LSAMP: variants seen among roughly 807,000 people sequenced by gnomAD.
LSAMP encodes limbic system associated membrane protein, also known as limbic system-associated membrane protein.
Under a neutral mutation model 38.6 loss-of-function variants are expected in LSAMP, and 7 were observed. The ratio of observed to expected loss-of-function variants is 0.18; its 90% CI spans 0.10 to 0.34. The LOEUF (loss-of-function observed/expected upper bound fraction) is 0.34. LSAMP is among the 10% of genes least tolerant of loss of function. The probability of loss-of-function intolerance (pLI) is 1.00; values close to 1 mark genes in which losing one functional copy is unlikely to be tolerated. For missense variants in LSAMP, 313 were observed against 420.0 expected (o/e 0.75, Z 2.23); for synonymous variants, 154 against 166.8 (o/e 0.92, Z 0.59).
chr3:115,854,501 C>G (rs1173155699), intron 3 of LSAMP, among the ~76,000 whole-genome samples: 1 of 151,888 alleles, frequency 6.6e-6, no homozygotes, highest in Non-Finnish European at 1.5e-5. Flanking sequence ...CCAAGATGGT[C>G]TCGATCTCCT....
At chr3:116,200,636 C>T (rs1299207775) in intron 1 of LSAMP, among the ~76,000 whole-genome samples, 4 of 152,182 alleles carry the variant, frequency 2.6e-5, no homozygotes, top group African/African-American at 7.2e-5. Context: ...TAAAACCCTG[C>T]CAGCGAGCTT....
At chr3:116,175,406 C>T (rs1373172930) in intron 1 of LSAMP, among the ~76,000 whole-genome samples, 1 of 151,946 alleles carries the variant, frequency 6.6e-6, no homozygotes, top group African/African-American at 2.4e-5. Context: ...TATCCTCCTT[C>T]CAGCTATTTG....
intron 1 of LSAMP, among the ~76,000 whole-genome samples, chr3:116,207,735 C>T (rs1457254597): frequency 6.6e-6 from 1 of 151,688 alleles, no homozygotes; most frequent in African/African-American, 2.4e-5. Flanking sequence ...TATTGGTCCC[C>T]ACTCTCTTCT....
chr3:116,168,317 C>A (rs529948407), intron 1 of LSAMP, among the ~76,000 whole-genome samples: 19 of 152,150 alleles, frequency 1.2e-4, no homozygotes, highest in Non-Finnish European at 8.8e-5. Flanking sequence ...GGAGGCAGAA[C>A]TATAGCTGCA....
chr3:115,974,855 T>G (rs1157335466), intron 3 of LSAMP, among the ~76,000 whole-genome samples: 4 of 152,126 alleles, frequency 2.6e-5, no homozygotes, highest in Non-Finnish European at 4.4e-5. Flanking sequence ...GTGGTTATAA[T>G]GAGGTGTGTC....
intron 3 of LSAMP, among the ~76,000 whole-genome samples, chr3:115,917,217 A>G (rs1316797386): frequency 6.6e-6 from 1 of 152,232 alleles, no homozygotes; most frequent in Non-Finnish European, 1.5e-5. Flanking sequence ...CTAGGACATT[A>G]AACAATGCTC....
chr3:115,857,763 C>A (rs1318527033), intron 3 of LSAMP, among the ~76,000 whole-genome samples: 2 of 152,118 alleles, frequency 1.3e-5, no homozygotes, highest in African/African-American at 2.4e-5. Context: ...TTAGCATATC[C>A]CTTCTTAGTC....
chr3:116,144,761 A>T (rs71323430), intron 1 of LSAMP, among the ~76,000 whole-genome samples: 48 of 151,894 alleles, frequency 3.2e-4, no homozygotes, highest in Non-Finnish European at 6.5e-4. Context: ...TTTTTATTAC[A>T]TCTTACTTTT....
chr3:116,018,769 C>A (rs530198687), intron 3 of LSAMP, among the ~76,000 whole-genome samples: 2 of 152,120 alleles, frequency 1.3e-5, no homozygotes, highest in Admixed American at 6.6e-5. Context: ...GCCTGGGAAC[C>A]TTTTTATGGC....
intron 6 of LSAMP, among the ~76,000 whole-genome samples, chr3:115,825,819 G>T (rs1428804405): frequency 6.6e-6 from 1 of 152,084 alleles, no homozygotes; most frequent in African/African-American, 2.4e-5. Context: ...TAGAAATGTA[G>T]AAATCTTTGA....
At chr3:115,854,273 A>ATT (rs1452133743) in intron 3 of LSAMP, among the ~76,000 whole-genome samples, 13 of 119,542 alleles carry the variant, frequency 1.1e-4, no homozygotes, top group African/African-American at 3.3e-4. Context: ...TATTATTATT[A>ATT]TTATTATTAT....
chr3:116,105,999 G>C (rs1198322034), intron 1 of LSAMP, among the ~76,000 whole-genome samples: 1 of 152,024 alleles, frequency 6.6e-6, no homozygotes, highest in African/African-American at 2.4e-5. Context: ...TTGTGGGGAT[G>C]TTAGAAGAAA....
chr3:116,425,915 G>A (rs1185672491), intron 1 of LSAMP, among the ~76,000 whole-genome samples: 1 of 151,810 alleles, frequency 6.6e-6, no homozygotes, highest in Non-Finnish European at 1.5e-5. Flanking sequence ...AGATGGACTT[G>A]ATATATCAGG....
Position 116,063,225 on chromosome 3 carries a change from A to C in LSAMP, c.388+23099T>G, listed in dbSNP as rs890441448. Among the ~76,000 whole-genome samples the C allele has an allele frequency of 3.3e-5, 5 of 152,118 alleles. No individual in the cohort carries two copies. The South Asian group carries it at 8.3e-4, about 25-fold the overall frequency. ...GGTGTCTTGATCTTTGCATTTGACA[A>C]ACCTCATTAAATATTTTACAATAGA... On this transcript the variant is annotated intron_variant, in intron 2 of 6. Transcript: ENST00000490035.
chr3:116,076,967 G>T (rs1707757307), intron 2 of LSAMP, among the ~76,000 whole-genome samples: 1 of 151,572 alleles, frequency 6.6e-6, no homozygotes, highest in Non-Finnish European at 1.5e-5. Flanking sequence ...AGAAACTATT[G>T]ATTTAATATA....
intron 3 of LSAMP, among the ~76,000 whole-genome samples, chr3:115,873,175 G>C (rs929004645): frequency 6.6e-6 from 1 of 152,002 alleles, no homozygotes; most frequent in African/African-American, 2.4e-5. Context: ...TTCAAGACCA[G>C]CCTGGCCAAC....
chr3:116,411,009 A>G (rs890690179), intron 1 of LSAMP, among the ~76,000 whole-genome samples: 1 of 152,116 alleles, frequency 6.6e-6, no homozygotes, highest in East Asian at 1.9e-4. Context: ...TAATCGTAAC[A>G]GTATTAAGAG....
chr3:115,837,599 C>T (rs1227037810), intron 6 of LSAMP, among the ~76,000 whole-genome samples: 2 of 151,954 alleles, frequency 1.3e-5, no homozygotes, highest in Non-Finnish European at 2.9e-5. Context: ...AAGCAGTGCC[C>T]TTGGGTGGGA....
At chr3:116,349,755 G>C (rs1357107105) in intron 1 of LSAMP, among the ~76,000 whole-genome samples, 1 of 151,978 alleles carries the variant, frequency 6.6e-6, no homozygotes, top group Non-Finnish European at 1.5e-5. Flanking sequence ...TCACACGCCT[G>C]GGATTTCCAA....
Sources: gnomAD v4.1 joint callset for allele counts (sites outside exome capture counted in the v4.1 genomes callset) on GRCh38, gnomAD v4.1.1 for gene constraint, MANE v1.5 for transcripts, NCBI Gene and HGNC (gene_info 2026-07-23, HGNC 2026-07-21) for gene names.